Variants in CNTNAP4 observed in about 807,000 individuals in gnomAD.
CNTNAP4 encodes contactin associated protein family member 4, also known as contactin-associated protein-like 4.
A neutral mutation model predicts 148.4 loss-of-function variants in CNTNAP4; 98 were observed. The observed-to-expected ratio is 0.66, with a 90% CI of 0.56 to 0.78. CNTNAP4 has a LOEUF of 0.78. Ranked by LOEUF, CNTNAP4 falls within the 30% of genes least tolerant of loss-of-function variation. The pLI is 0.00. For synonymous variants in CNTNAP4, 730 were observed against 565.1 expected (o/e 1.29, Z -4.14); for missense variants, 1,935 against 1,565.6 (o/e 1.24, Z -3.98).
intron 10 of CNTNAP4, among the ~76,000 whole-genome samples, chr16:76,475,590 C>G (rs1305056769): frequency 2.0e-5 from 3 of 152,116 alleles, no homozygotes; most frequent in African/African-American, 7.2e-5. Context: ...TTTCAGTGTT[C>G]AAACAATGTA....
intron 3 of CNTNAP4, among the ~76,000 whole-genome samples, chr16:76,423,566 C>T (rs2079269259): frequency 6.6e-6 from 1 of 152,170 alleles, no homozygotes; most frequent in African/African-American, 2.4e-5. Flanking sequence ...GGCAACAATT[C>T]TTCATAGCAA....
At chr16:76,376,800 T>C (rs916831576) in intron 3 of CNTNAP4, among the ~76,000 whole-genome samples, 1 of 152,020 alleles carries the variant, frequency 6.6e-6, no homozygotes, top group Admixed American at 6.5e-5. Flanking sequence ...GGAAGAGAAG[T>C]ACCATGGAGT....
intron 17 of CNTNAP4, among the ~76,000 whole-genome samples, chr16:76,529,801 C>G (rs1173507014): frequency 6.6e-6 from 1 of 151,438 alleles, no homozygotes; most frequent in East Asian, 1.9e-4. Flanking sequence ...ATGTTGAACT[C>G]TAAACATATT....
intron 10 of CNTNAP4, among the ~76,000 whole-genome samples, chr16:76,474,979 G>A (rs1447369989): frequency 1.3e-5 from 2 of 152,126 alleles, no homozygotes; most frequent in Non-Finnish European, 2.9e-5. Flanking sequence ...ACACGGCACC[G>A]TTTCTCAAGA....
intron 15 of CNTNAP4, among the ~76,000 whole-genome samples, chr16:76,504,333 G>A (rs1399674888): frequency 1.3e-5 from 2 of 151,718 alleles, no homozygotes; most frequent in Non-Finnish European, 2.9e-5. Flanking sequence ...AGCTACCAGG[G>A]GAACTCAATG....
intron 21 of CNTNAP4, among the ~76,000 whole-genome samples, chr16:76,546,696 T>C (rs908580048): frequency 1.3e-5 from 2 of 152,234 alleles, no homozygotes; most frequent in African/African-American, 4.8e-5. Context: ...CCCACTCCCA[T>C]CTGTAGAAAA....
chr16:76,471,231 A>G (rs1455379910), intron 10 of CNTNAP4, among the ~76,000 whole-genome samples: 1 of 152,150 alleles, frequency 6.6e-6, no homozygotes, highest in African/African-American at 2.4e-5. Flanking sequence ...TACAGAACTG[A>G]AAAGGCAGCT....
intron 3 of CNTNAP4, among the ~76,000 whole-genome samples, chr16:76,380,624 G>T (rs1236657406): frequency 6.6e-6 from 1 of 151,956 alleles, no homozygotes; most frequent in Non-Finnish European, 1.5e-5. Flanking sequence ...TCGGGGGAGT[G>T]GTTTTCTTTT....
rs187379873 is a variant in CNTNAP4, at chr16:76,280,490, A to C, written c.85+2743A>C. Among the ~76,000 whole-genome samples the C allele has an allele frequency of 2.4e-3, 370 of 152,294 alleles. 1 individual carries two copies. Among genetic ancestry groups the C allele is most frequent in the African/African-American group, 7.9e-3 (329 of 41,574 alleles). ...TGTATGTAGATATCTGTAAACTACT[A>C]GACTCATGTGCTTGCATATTTTTGG... is the stretch of plus-strand genomic sequence containing the variant. On this transcript the variant is annotated intron_variant, in intron 1 of 23. Transcript: ENST00000611870.
chr16:76,306,243 T>C (rs1416611866), intron 1 of CNTNAP4, among the ~76,000 whole-genome samples: 7 of 152,220 alleles, frequency 4.6e-5, no homozygotes, highest in African/African-American at 9.6e-5. Context: ...AACTGCTTTC[T>C]ACAGTGGCTG....
chr16:76,289,243 C>T (rs143566514), intron 1 of CNTNAP4, among the ~76,000 whole-genome samples: 249 of 152,108 alleles, frequency 1.6e-3, no homozygotes, highest in Middle Eastern at 6.8e-3. Flanking sequence ...AGCACGTGCC[C>T]GATCATCTCT....
At chr16:76,347,231 A>G (rs2144410207) in intron 2 of CNTNAP4, among the ~76,000 whole-genome samples, 1 of 152,196 alleles carries the variant, frequency 6.6e-6, no homozygotes, top group South Asian at 2.1e-4. Context: ...ATCAAAGAAC[A>G]GTATTCTGTG....
At chr16:76,307,539 T>TATATATATACAC (rs558814796) in intron 1 of CNTNAP4, among the ~76,000 whole-genome samples, 1 of 119,378 alleles carries the variant, frequency 8.4e-6, no homozygotes, top group Non-Finnish European at 1.6e-5. Flanking sequence ...TATATATATA[T>TATATATATACAC]ACCAAACTCC....
chr16:76,309,838 G>A (rs1390254475), intron 1 of CNTNAP4: 8 of 700,314 alleles, frequency 1.1e-5, no homozygotes, highest in Non-Finnish European at 2.1e-5. Flanking sequence ...AGGGGTTTCC[G>A]CTTTTGCTGC....
intron 4 of CNTNAP4, among the ~76,000 whole-genome samples, chr16:76,441,686 G>A (rs980753765): frequency 6.6e-6 from 1 of 151,978 alleles, no homozygotes; most frequent in South Asian, 2.1e-4. Flanking sequence ...GATAATTAAG[G>A]GTTTCTTATG....
chr16:76,442,213 G>A (rs577128083), intron 4 of CNTNAP4, among the ~76,000 whole-genome samples: 1 of 152,208 alleles, frequency 6.6e-6, no homozygotes, highest in East Asian at 1.9e-4. Flanking sequence ...GTCACATGAA[G>A]GAAGAGGCCA....
intron 7 of CNTNAP4, among the ~76,000 whole-genome samples, chr16:76,450,536 A>G (rs2080422688): frequency 6.6e-6 from 1 of 152,248 alleles, no homozygotes; most frequent in Non-Finnish European, 1.5e-5. Context: ...ACAACCATGT[A>G]TATTAGGGAG....
chr16:76,476,323 A>C (rs1268175185), intron 11 of CNTNAP4, among the ~76,000 whole-genome samples: 1 of 152,212 alleles, frequency 6.6e-6, no homozygotes, highest in Non-Finnish European at 1.5e-5. Flanking sequence ...TCTGTTACTC[A>C]AATTGGGCCA....
intron 17 of CNTNAP4, among the ~76,000 whole-genome samples, chr16:76,524,864 C>T (rs1160450320): frequency 6.6e-6 from 1 of 151,992 alleles, no homozygotes; most frequent in East Asian, 1.9e-4. Flanking sequence ...GTGACATATA[C>T]TGTTAATAAA....
Sources: allele counts gnomAD v4.1 joint callset (sites outside exome capture counted in the v4.1 genomes callset), GRCh38; gene constraint gnomAD v4.1.1; transcripts MANE v1.5; gene names NCBI Gene and HGNC (gene_info 2026-07-23, HGNC 2026-07-21).